Variants in MAF observed in about 807,000 individuals in gnomAD.
The protein encoded by MAF is transcription factor Maf.
In MAF, 10 loss-of-function variants were observed where a neutral mutation model predicts 22.0. That is an observed-to-expected ratio of 0.45 (90% CI 0.28 to 0.77). MAF has a LOEUF of 0.77. Ranked by LOEUF, MAF falls within the 30% of genes least tolerant of loss-of-function variation. MAF has a pLI of 0.12. For synonymous variants in MAF, 337 were observed against 255.8 expected (o/e 1.32, Z -3.03); for missense variants, 544 against 548.4 (o/e 0.99, Z 0.08).
chr16:79,242,189 G>C, the MAF span, among the ~76,000 whole-genome samples: 1 of 151,714 alleles, frequency 6.6e-6, no homozygotes, highest in Non-Finnish European at 1.5e-5. Flanking sequence ...ACACATAACA[G>C]TATTAACCTT....
At chr16:79,535,795 A>G in the MAF span, among the ~76,000 whole-genome samples, 7 of 151,788 alleles carry the variant, frequency 4.6e-5, no homozygotes, top group Non-Finnish European at 8.8e-5. Flanking sequence ...TGGCAAGGCT[A>G]ATCTTGAACT....
At chr16:79,272,975 T>C in the MAF span, among the ~76,000 whole-genome samples, 118 of 152,184 alleles carry the variant, frequency 7.8e-4, no homozygotes, top group Non-Finnish European at 1.2e-3. Flanking sequence ...TAATCCAAAA[T>C]GTGTCTAAAC....
chr16:79,598,243 A>G (rs1371083704), intron 1 of MAF: 2 of 1,063,682 alleles, frequency 1.9e-6, no homozygotes, highest in Admixed American at 4.9e-5. Context: ...TGGGCAACAC[A>G]GCAAGCTCTA....
chr16:79,427,129 C>A, the MAF span, among the ~76,000 whole-genome samples: 3 of 152,204 alleles, frequency 2.0e-5, no homozygotes, highest in Non-Finnish European at 4.4e-5. Flanking sequence ...GTAGGAAACT[C>A]TTAGGAAATT....
At chr16:79,502,708 A>AATATATATATAT in the MAF span, among the ~76,000 whole-genome samples, 11 of 33,974 alleles carry the variant, frequency 3.2e-4, no homozygotes, top group South Asian at 1.6e-3. Context: ...TATAAATATA[A>AATATATATATAT]ATATATATAT....
chr16:79,493,438 C>T, the MAF span, among the ~76,000 whole-genome samples: 111 of 152,248 alleles, frequency 7.3e-4, no homozygotes, highest in African/African-American at 2.6e-3. Context: ...CCTCAGCATC[C>T]GAAAGTGCTG....
chr16:79,303,410 A>T, the MAF span, among the ~76,000 whole-genome samples: 2 of 152,216 alleles, frequency 1.3e-5, no homozygotes, highest in African/African-American at 4.8e-5. Context: ...TTCTTCAAAG[A>T]GTGTGCAATG....
At chr16:79,574,667 G>A in the MAF span, among the ~76,000 whole-genome samples, 1 of 152,032 alleles carries the variant, frequency 6.6e-6, no homozygotes, top group African/African-American at 2.4e-5. Context: ...ACCTACCCAG[G>A]TCACATGGCT....
At chr16:79,450,079 T>C in the MAF span, among the ~76,000 whole-genome samples, 2 of 152,228 alleles carry the variant, frequency 1.3e-5, no homozygotes, top group African/African-American at 2.4e-5. Context: ...ATTCCCTTAT[T>C]ATTAAGCAAT....
At chr16:79,378,210 G>A in the MAF span, among the ~76,000 whole-genome samples, 5 of 152,006 alleles carry the variant, frequency 3.3e-5, no homozygotes, top group Admixed American at 6.6e-5. Context: ...GCAGCAGTAC[G>A]GCAACTGAAA....
At chr16:79,404,025 T>G in the MAF span, among the ~76,000 whole-genome samples, 1 of 152,190 alleles carries the variant, frequency 6.6e-6, no homozygotes, top group East Asian at 1.9e-4. Context: ...TCACCACGTA[T>G]TTCTAAAAAC....
the MAF span, among the ~76,000 whole-genome samples, chr16:79,553,551 A>G: frequency 6.6e-6 from 1 of 152,248 alleles, no homozygotes; most frequent in Non-Finnish European, 1.5e-5. Flanking sequence ...ACAGTCTGTC[A>G]TCTCACCCGG....
chr16:79,476,728 G>T, the MAF span, among the ~76,000 whole-genome samples: 1 of 152,196 alleles, frequency 6.6e-6, no homozygotes, highest in South Asian at 2.1e-4. Context: ...TGGTGAGAAG[G>T]CTGACAAGAT....
the MAF span, among the ~76,000 whole-genome samples, chr16:79,234,569 C>A: frequency 0.6 from 91,779 of 151,820 alleles, 28,822 homozygotes; most frequent in Non-Finnish European, 0.68. Context: ...AAAAGCAACC[C>A]ATTTTGCAAA....
At chr16:79,494,426 T>A in the MAF span, among the ~76,000 whole-genome samples, 1 of 151,990 alleles carries the variant, frequency 6.6e-6, no homozygotes, top group South Asian at 2.1e-4. Flanking sequence ...TTCCTATATC[T>A]CAGAAGTAGC....
chr16:79,488,956 T>C, the MAF span, among the ~76,000 whole-genome samples: 1 of 152,204 alleles, frequency 6.6e-6, no homozygotes. Context: ...TACTGCCCTG[T>C]TGGCCTTTCA....
At chr16:79,211,022 T>A in the MAF span, among the ~76,000 whole-genome samples, 1 of 124,752 alleles carries the variant, frequency 8.0e-6, no homozygotes. Context: ...TAAGTATGAA[T>A]GTATGGTGAG....
intron 1 of MAF, chr16:79,597,071 A>G: frequency 9.4e-7 from 1 of 1,058,258 alleles, no homozygotes; most frequent in Non-Finnish European, 1.1e-6. Context: ...CAAAGACTAC[A>G]CATACCCAAC....
chr16:79,303,060 A>G, the MAF span, among the ~76,000 whole-genome samples: 1 of 151,964 alleles, frequency 6.6e-6, no homozygotes. Context: ...AAATGGCACG[A>G]TTTTCCATCC....
Sources: allele counts gnomAD v4.1 joint callset (sites outside exome capture counted in the v4.1 genomes callset), GRCh38; gene constraint gnomAD v4.1.1; transcripts MANE v1.5; gene names NCBI Gene and HGNC (gene_info 2026-07-23, HGNC 2026-07-21).